DIAPH2: variants seen among roughly 807,000 people sequenced by gnomAD.
The protein encoded by DIAPH2 is protein diaphanous homolog 2.
A neutral mutation model predicts 92.7 loss-of-function variants in DIAPH2; 35 were observed. The observed-to-expected ratio is 0.38, with a 90% confidence interval of 0.29 to 0.50. The LOEUF (loss-of-function observed/expected upper bound fraction) is 0.50. Ranked by LOEUF, DIAPH2 falls within the 20% of genes least tolerant of loss-of-function variation. DIAPH2 has a pLI of 0.94. For missense variants in DIAPH2, 701 were observed against 819.5 expected (o/e 0.86, Z 1.77); for synonymous variants, 301 against 280.4 (o/e 1.07, Z -0.73).
At chrX:97,560,594 G>C (rs1400425068) in intron 26 of DIAPH2, among the ~76,000 whole-genome samples, 2 of 111,693 alleles carry the variant, frequency 1.8e-5, no homozygotes, top group African/African-American at 6.5e-5. Flanking sequence ...CTGGGTACAA[G>C]CTATTCTCCT....
At chrX:96,751,652 G>GTTTT (rs1219167141) in intron 3 of DIAPH2, among the ~76,000 whole-genome samples, 8 of 60,302 alleles carry the variant, frequency 1.3e-4, no homozygotes, top group African/African-American at 4.5e-4. Flanking sequence ...TCAGTGTTTT[G>GTTTT]TTTTTTTTTT....
At chrX:97,486,129 T>C (rs1416359107) in intron 26 of DIAPH2, among the ~76,000 whole-genome samples, 1 of 111,175 alleles carries the variant, frequency 9.0e-6, no homozygotes, top group East Asian at 2.8e-4. Context: ...AAAAATAAGA[T>C]ACCCGGTGTA....
intron 24 of DIAPH2, among the ~76,000 whole-genome samples, chrX:97,369,900 C>G (rs1056863290): frequency 8.9e-6 from 1 of 111,768 alleles, no homozygotes; most frequent in Non-Finnish European, 1.9e-5. Context: ...ATGTGACAGT[C>G]ATTCTCAATG....
At position 97,002,013 on chromosome X, in the gene DIAPH2, T is replaced by G; in HGVS notation, c.2050+36806T>G. ...TATAGATATAATTAGCTTTTCTGTTTAAAAAAAAAGGTGATGGACAAATAC... is the reference window on the plus strand; with the variant it reads ...TATAGATATAATTAGCTTTTCTGTTGAAAAAAAAAGGTGATGGACAAATAC... On this transcript the variant is annotated intron_variant, in intron 17 of 26. Transcript: ENST00000324765. 2.8e-5 allele frequency among the ~76,000 whole-genome samples: 3 copies of G among 108,905 alleles called. No homozygotes were observed. The South Asian group carries it at 1.2e-3, about 43-fold the overall frequency. The allele number at this position is 108,905 out of a possible 115,157, so 94.6% of individuals were successfully genotyped here. A position where few individuals can be genotyped will look rare whatever the true frequency, so the allele number is the denominator to read the frequency against.
chrX:97,504,278 C>T (rs2070818059), intron 26 of DIAPH2, among the ~76,000 whole-genome samples: 1 of 111,807 alleles, frequency 8.9e-6, no homozygotes, highest in African/African-American at 3.2e-5. Flanking sequence ...TGTTACCCTA[C>T]TTGTCTTCCC....
intron 26 of DIAPH2, among the ~76,000 whole-genome samples, chrX:97,598,424 T>C (rs1229990798): frequency 4.5e-5 from 5 of 111,922 alleles, no homozygotes; most frequent in African/African-American, 1.6e-4. Flanking sequence ...AGGGACCTAG[T>C]CTCATTCTAA....
intron 17 of DIAPH2, among the ~76,000 whole-genome samples, chrX:96,997,510 A>G (rs1047633588): frequency 9.0e-6 from 1 of 111,493 alleles, no homozygotes; most frequent in Non-Finnish European, 1.9e-5. Flanking sequence ...TGCATATCCT[A>G]TGACTCCTTG....
intron 17 of DIAPH2, among the ~76,000 whole-genome samples, chrX:97,066,403 T>TA (rs1272369101): frequency 3.6e-5 from 4 of 112,496 alleles, no homozygotes; most frequent in Non-Finnish European, 7.5e-5. Flanking sequence ...AGCAATAGGC[T>TA]ACTAACCTGT....
intron 22 of DIAPH2, among the ~76,000 whole-genome samples, chrX:97,146,005 T>TC: frequency 1.3e-5 from 1 of 79,919 alleles, no homozygotes; most frequent in African/African-American, 4.4e-5. Flanking sequence ...TTTTTCTTCT[T>TC]CCTTTTTTTT....
At chrX:97,133,985 A>G (rs1005881751) in intron 21 of DIAPH2, among the ~76,000 whole-genome samples, 1 of 112,678 alleles carries the variant, frequency 8.9e-6, no homozygotes, top group Non-Finnish European at 1.9e-5. Flanking sequence ...TAAATATCTA[A>G]GCAACAATGC....
At chrX:97,377,040 A>G (rs1386669004) in intron 24 of DIAPH2, among the ~76,000 whole-genome samples, 1 of 112,047 alleles carries the variant, frequency 8.9e-6, no homozygotes, top group Admixed American at 9.5e-5. Context: ...CTCAGACACA[A>G]GCACACACAT....
At chrX:96,692,842 C>G (rs2063805068) in intron 1 of DIAPH2, among the ~76,000 whole-genome samples, 2 of 112,332 alleles carry the variant, frequency 1.8e-5, no homozygotes, top group Non-Finnish European at 3.8e-5. Flanking sequence ...ACCACAACAA[C>G]TAAGTTTATG....
intron 22 of DIAPH2, among the ~76,000 whole-genome samples, chrX:97,213,098 T>C (rs1399789311): frequency 8.9e-6 from 1 of 112,034 alleles, no homozygotes; most frequent in Non-Finnish European, 1.9e-5. Context: ...AATAGATCAA[T>C]GTTCTGTTCT....
intron 23 of DIAPH2, among the ~76,000 whole-genome samples, chrX:97,328,761 A>G: frequency 1.8e-5 from 2 of 111,794 alleles, no homozygotes; most frequent in Middle Eastern, 4.7e-3. Context: ...CATTCATAAA[A>G]TGAGCTCTAA....
chrX:97,436,308 A>T (rs892548414), intron 26 of DIAPH2, among the ~76,000 whole-genome samples: 1 of 111,544 alleles, frequency 9.0e-6, no homozygotes, highest in Non-Finnish European at 1.9e-5. Flanking sequence ...TTTGATATAT[A>T]GTTCTAGACA....
intron 22 of DIAPH2, among the ~76,000 whole-genome samples, chrX:97,214,157 A>C (rs1221154622): frequency 3.6e-5 from 4 of 112,643 alleles, no homozygotes. Context: ...TTGAAGACCA[A>C]TCTTCTGTTC....
chrX:97,496,212 G>A (rs995798838), intron 26 of DIAPH2, among the ~76,000 whole-genome samples: 3 of 76,367 alleles, frequency 3.9e-5, no homozygotes, highest in African/African-American at 1.1e-4. Context: ...TTTCGCTCTC[G>A]TTGCCCAGGC....
intron 4 of DIAPH2, among the ~76,000 whole-genome samples, chrX:96,836,813 C>T (rs2064896947): frequency 1.1e-5 from 1 of 90,467 alleles, no homozygotes; most frequent in Non-Finnish European, 2.2e-5. Flanking sequence ...CTGCAAGCTC[C>T]GCCTCCCGGG....
chrX:97,574,275 A>G (rs2071387874), intron 26 of DIAPH2, among the ~76,000 whole-genome samples: 1 of 112,163 alleles, frequency 8.9e-6, no homozygotes, highest in African/African-American at 3.2e-5. Flanking sequence ...TATGAAATAC[A>G]GATCTGACCA....
Sources: gnomAD v4.1 joint callset for allele counts (sites outside exome capture counted in the v4.1 genomes callset) on GRCh38, gnomAD v4.1.1 for gene constraint, MANE v1.5 for transcripts, NCBI Gene and HGNC (gene_info 2026-07-23, HGNC 2026-07-21) for gene names.